CRIM1: variants seen among roughly 807,000 people sequenced by gnomAD.
CRIM1 encodes cysteine rich transmembrane BMP regulator 1.
A neutral mutation model predicts 116.4 loss-of-function variants in CRIM1; 32 were observed. That is an observed-to-expected ratio of 0.27 (90% CI 0.21 to 0.37). The LOEUF is 0.37. Ranked by LOEUF, CRIM1 falls within the 10% of genes least tolerant of loss-of-function variation. The probability of loss-of-function intolerance (pLI) is 1.00; values close to 1 mark genes in which losing one functional copy is unlikely to be tolerated. For missense variants in CRIM1, 1,331 were observed against 1,354.8 expected (o/e 0.98, Z 0.28); for synonymous variants, 590 against 509.2 (o/e 1.16, Z -2.13).
At chr2:36,380,837 A>G (rs186801154) in intron 1 of CRIM1, among the ~76,000 whole-genome samples, 10 of 152,324 alleles carry the variant, frequency 6.6e-5, no homozygotes, top group Admixed American at 1.3e-4. Context: ...GGCCCGCCCA[A>G]CTTTACAGAT....
chr2:36,474,250 A>G (rs996478442), intron 5 of CRIM1, among the ~76,000 whole-genome samples: 2 of 152,148 alleles, frequency 1.3e-5, no homozygotes, highest in Admixed American at 1.3e-4. Context: ...ATATGATTGC[A>G]AATACTTTCT....
At chr2:36,517,751 T>C (rs1278693914) in intron 12 of CRIM1, among the ~76,000 whole-genome samples, 2 of 152,194 alleles carry the variant, frequency 1.3e-5, no homozygotes, top group East Asian at 3.9e-4. Context: ...ACACCTGAGA[T>C]GACTGTGAAA....
At chr2:36,529,287 G>A in intron 13 of CRIM1, 2 of 444,530 alleles carry the variant, frequency 4.5e-6, no homozygotes, top group Non-Finnish European at 9.4e-6. Flanking sequence ...ACTGTGACCA[G>A]ATAAAACATC....
At chr2:36,537,707 G>C (rs1666652246) in intron 14 of CRIM1, among the ~76,000 whole-genome samples, 161 bp downstream of exon 14, 1 of 152,246 alleles carries the variant, frequency 6.6e-6, no homozygotes, top group South Asian at 2.1e-4. Context: ...GGGTAACTTG[G>C]AAAACTATGA....
chr2:36,499,179 A>C, intron 7 of CRIM1, 40 bp from the exon 8 acceptor site: 1 of 1,516,516 alleles, frequency 6.6e-7, no homozygotes, highest in Non-Finnish European at 9.1e-7. Context: ...AAAGGTAATC[A>C]TATGTTTCAT....
intron 7 of CRIM1, among the ~76,000 whole-genome samples, chr2:36,490,143 T>C (rs1336432659): frequency 6.6e-6 from 1 of 152,186 alleles, no homozygotes; most frequent in African/African-American, 2.4e-5. Context: ...GCTGTGCATT[T>C]GAGGTCTGTG....
chr2:36,520,822 G>C (rs555959566), intron 12 of CRIM1, among the ~76,000 whole-genome samples: 1 of 152,334 alleles, frequency 6.6e-6, no homozygotes, highest in African/African-American at 2.4e-5. Flanking sequence ...AAAGTGGCAT[G>C]TAGAGCTTCT....
intron 4 of CRIM1, among the ~76,000 whole-genome samples, chr2:36,451,686 A>G (rs946774762): frequency 1.6e-4 from 25 of 152,200 alleles, no homozygotes; most frequent in African/African-American, 6.0e-4. Context: ...GCTACAGCCC[A>G]TAACTCTGCG....
At chr2:36,384,655 T>C (rs1006261667) in intron 1 of CRIM1, among the ~76,000 whole-genome samples, 3 of 152,200 alleles carry the variant, frequency 2.0e-5, no homozygotes, top group Non-Finnish European at 4.4e-5. Context: ...TCATATGCAT[T>C]TCTTGACATG....
At chr2:36,373,453 C>T (rs561416758) in intron 1 of CRIM1, among the ~76,000 whole-genome samples, 1 of 152,226 alleles carries the variant, frequency 6.6e-6, no homozygotes, top group Non-Finnish European at 1.5e-5. Flanking sequence ...ACAAGAACCT[C>T]TCAGAGCTAT....
chr2:36,459,821 C>A (rs923310214), intron 4 of CRIM1, among the ~76,000 whole-genome samples: 1 of 151,932 alleles, frequency 6.6e-6, no homozygotes, highest in Non-Finnish European at 1.5e-5. Context: ...TGTGCAGGAA[C>A]CAGTAGAATA....
chr2:36,498,707 CATAAAAG>C (rs1442136667), intron 7 of CRIM1, among the ~76,000 whole-genome samples: 1 of 151,784 alleles, frequency 6.6e-6, no homozygotes, highest in East Asian at 1.9e-4. Context: ...GGGAGTGCCA[CATAAAAG>C]ATAAAAGAAA....
intron 1 of CRIM1, among the ~76,000 whole-genome samples, chr2:36,391,140 T>TGGG: frequency 9.8e-6 from 1 of 102,172 alleles, no homozygotes. Context: ...TTTTTTTTTT[T>TGGG]TTTTTTTGAG....
At chr2:36,459,808 G>A (rs1677437859) in intron 4 of CRIM1, among the ~76,000 whole-genome samples, 1 of 152,098 alleles carries the variant, frequency 6.6e-6, no homozygotes, top group African/African-American at 2.4e-5. Context: ...GGAGTGTAGG[G>A]TGTGTGCAGG....
At chr2:36,500,835 A>C (rs1680934083) in intron 8 of CRIM1, among the ~76,000 whole-genome samples, 1 of 152,236 alleles carries the variant, frequency 6.6e-6, no homozygotes, top group South Asian at 2.1e-4. Context: ...GAAATCTTGA[A>C]AGACACTTCG....
At chr2:36,471,962 C>T (rs969964899) in intron 5 of CRIM1, among the ~76,000 whole-genome samples, 23 of 152,188 alleles carry the variant, frequency 1.5e-4, no homozygotes, top group African/African-American at 5.3e-4. Context: ...TATCTATCAC[C>T]ATCCACCAAT....
At chr2:36,410,739 GA>G (rs532388434) in intron 2 of CRIM1, among the ~76,000 whole-genome samples, 72 of 143,738 alleles carry the variant, frequency 5.0e-4, no homozygotes, top group African/African-American at 9.6e-4. Context: ...TGCTGCTTTG[GA>G]AAAAAAAAAA....
At chr2:36,498,023 C>CT (rs1231357171) in intron 7 of CRIM1, among the ~76,000 whole-genome samples, 1 of 152,210 alleles carries the variant, frequency 6.6e-6, no homozygotes, top group Non-Finnish European at 1.5e-5. Flanking sequence ...GTTACCCTCT[C>CT]TGCACCTCAT....
chr2:36,491,731 G>T (rs565705515), intron 7 of CRIM1, among the ~76,000 whole-genome samples: 3 of 152,238 alleles, frequency 2.0e-5, no homozygotes, highest in Non-Finnish European at 4.4e-5. Flanking sequence ...TGCCAGAAGG[G>T]TAGGTTCCAG....
Sources: gnomAD v4.1 joint callset for allele counts (sites outside exome capture counted in the v4.1 genomes callset) on GRCh38, gnomAD v4.1.1 for gene constraint, MANE v1.5 for transcripts, NCBI Gene and HGNC (gene_info 2026-07-23, HGNC 2026-07-21) for gene names.